The following UNC80 variants were observed in gnomAD, a reference collection of about 807,000 sequenced individuals.
UNC80 encodes the protein unc-80 subunit of NALCN channel complex.
Under a neutral mutation model 384.6 loss-of-function variants are expected in UNC80, and 164 were observed. The observed-to-expected ratio is 0.43, with a 90% confidence interval of 0.38 to 0.49. UNC80 has a LOEUF of 0.49. UNC80 is among the 20% of genes least tolerant of loss of function. UNC80 has a pLI of 0.00. For missense variants in UNC80, 3,330 were observed against 4,143.0 expected (o/e 0.80, Z 5.39); for synonymous variants, 1,486 against 1,527.8 (o/e 0.97, Z 0.64).
At chr2:209,865,737 C>A (rs1307974131) in intron 22 of UNC80, among the ~76,000 whole-genome samples, 1 of 152,158 alleles carries the variant, frequency 6.6e-6, no homozygotes, top group Non-Finnish European at 1.5e-5. Context: ...CCAAATTTAA[C>A]ATATTCTTTG....
chr2:209,972,409 A>T (rs2092908732), intron 55 of UNC80, 85 bp downstream of exon 55: 22 of 1,500,906 alleles, frequency 1.5e-5, no homozygotes, highest in Non-Finnish European at 2.0e-5. Flanking sequence ...TCCTGTTCCC[A>T]TGAAGGCTAT....
At chr2:209,904,288 GAGA>G (rs1372758302) in intron 28 of UNC80, among the ~76,000 whole-genome samples, 1 of 152,202 alleles carries the variant, frequency 6.6e-6, no homozygotes, top group Admixed American at 6.5e-5. Context: ...TTGGCCAGAG[GAGA>G]AGAAGTGGAA....
In UNC80 at chr2:209,821,379, C is replaced by T. The variant is rs142200602; in HGVS notation, c.2331+700C>T. The stretch of plus-strand genomic sequence containing the variant: ...CAAATACCATCGGATTGAGGGATTA[C>T]AGCTTCAATATGTGAATTTTGCTAA... On this transcript the variant is annotated intron_variant, in intron 13 of 64. Transcript: ENST00000673920. Among the ~76,000 whole-genome samples the T allele has an allele frequency of 1.8e-4, 27 of 152,142 alleles. No individual in the cohort carries two copies. The East Asian group carries it at 3.3e-3, about 18-fold the overall frequency.
rs368194769 is a variant in UNC80 at position 209,935,703 on chromosome 2, A to C, written c.6179-11A>C. The C allele has an allele frequency of 4.3e-6, 6 of 1,390,388 alleles. No individual in the cohort carries two copies. Among genetic ancestry groups the C allele is most frequent in the Non-Finnish European group, 5.7e-6 (6 of 1,056,040 alleles). The allele number at this position is 1,390,388 out of a possible 1,614,324, so 86.1% of individuals were successfully genotyped here. ...TAAAAGTCAGTTTGTTATTATTTTT[A>C]TCATCTGTAGGTACTAAAACCTTGG... On this transcript the variant is annotated splice_polypyrimidine_tract_variant and intron_variant, in intron 39 of 64. Coordinates refer to ENST00000673920, the MANE Select transcript of UNC80 (RefSeq NM_001371986.1).
At chr2:209,896,665 G>A (rs139977292) in intron 28 of UNC80, among the ~76,000 whole-genome samples, 2 of 152,260 alleles carry the variant, frequency 1.3e-5, no homozygotes, top group Non-Finnish European at 2.9e-5. Context: ...CCATAAATCA[G>A]GGAAAATCAT....
At chr2:209,922,203 ACT>A (rs2090090032) in intron 34 of UNC80, 47 bp from the exon 35 acceptor site, 1 of 1,545,258 alleles carries the variant, frequency 6.5e-7, no homozygotes, top group South Asian at 1.2e-5. Context: ...GATAATAATA[ACT>A]CTTTTGTTAT....
intron 7 of UNC80, chr2:209,808,747 G>A (rs1170541893): frequency 7.1e-5 from 3 of 42,382 alleles, no homozygotes; most frequent in South Asian, 2.6e-4. Context: ...TCGGCCTAGT[G>A]AGTGGGTCGC....
intron 22 of UNC80, among the ~76,000 whole-genome samples, chr2:209,862,997 C>T (rs571570059): frequency 2.0e-5 from 3 of 152,200 alleles, no homozygotes; most frequent in Admixed American, 2.0e-4. Flanking sequence ...ATATTTAGTG[C>T]TTCTTTCAGG....
At chr2:209,982,421 T>C in intron 60 of UNC80, 104 bp downstream of exon 60, 1 of 1,352,836 alleles carries the variant, frequency 7.4e-7, no homozygotes, top group Non-Finnish European at 9.7e-7. Context: ...AAGCAAGCAA[T>C]GGTAATGTTT....
intron 54 of UNC80, among the ~76,000 whole-genome samples, chr2:209,971,809 G>C (rs1010962502): frequency 6.6e-6 from 1 of 152,228 alleles, no homozygotes; most frequent in African/African-American, 2.4e-5. Flanking sequence ...GGCCTTTCAT[G>C]GCAGGGGCCA....
At chr2:209,834,208 A>T in intron 17 of UNC80, 40 bp downstream of exon 17, 3 of 1,541,308 alleles carry the variant, frequency 1.9e-6, no homozygotes, top group Non-Finnish European at 1.8e-6. Context: ...TGTTTGCCTT[A>T]AGTCAGTAGA....
chr2:209,879,925 A>T (rs2085134834), intron 24 of UNC80, among the ~76,000 whole-genome samples: 1 of 152,224 alleles, frequency 6.6e-6, no homozygotes, highest in African/African-American at 2.4e-5. Flanking sequence ...CTATTTTCAA[A>T]TGAAATCGTG....
intron 28 of UNC80, among the ~76,000 whole-genome samples, chr2:209,897,574 T>TA (rs1198557814): frequency 4.6e-5 from 7 of 151,798 alleles, no homozygotes; most frequent in East Asian, 3.9e-4. Context: ...TTAATTAATT[T>TA]AAAAAAAAAC....
chr2:209,926,712 G>C, intron 35 of UNC80, 131 bp from the exon 36 acceptor site: 1 of 1,126,394 alleles, frequency 8.9e-7, no homozygotes, highest in South Asian at 1.6e-5. Flanking sequence ...AGAAGTCGAG[G>C]CTGCAGTGAG....
At chr2:209,774,249 A>G (rs1357882081) in intron 2 of UNC80, among the ~76,000 whole-genome samples, 2 of 152,336 alleles carry the variant, frequency 1.3e-5, no homozygotes, top group Admixed American at 1.3e-4. Flanking sequence ...ATGTTGTCAC[A>G]AACACATTTT....
chr2:209,892,991 A>G (rs2086486643), intron 26 of UNC80, among the ~76,000 whole-genome samples: 1 of 152,200 alleles, frequency 6.6e-6, no homozygotes, highest in South Asian at 2.1e-4. Flanking sequence ...TTTCTCCATC[A>G]CAACAGTAAA....
Position 209,995,416 on chromosome 2 carries a change from C to T in UNC80, c.9796C>T (p.Leu3266Phe). The change falls in exon 65 of 65, where the codon CTC (leucine) becomes TTC (phenylalanine). Residue 3266 changes from leucine to phenylalanine, a missense_variant. By Grantham distance (22) the Leu-to-Phe change is conservative. Around this residue, in one of 8 missense-constraint regions of UNC80, gnomAD observed 236 missense variants for 254.9 expected, o/e 0.93. Transcript: ENST00000673920. The stretch of plus-strand genomic sequence containing the variant: ...TGCACACAGTCCACTCTCTGCCCAA[C>T]TCTCTGACCCTGATGACTTCACAGG... Reference protein sequence around the residue: ...ATAHSPLSAQLSDPDDFTGLE... With the variant: ...ATAHSPLSAQFSDPDDFTGLE... 1 of 1,551,978 alleles carries T rather than the reference C, an allele frequency of 6.4e-7. No individual in the cohort carries two copies. Among genetic ancestry groups the T allele is most frequent in the Non-Finnish European group, 8.7e-7 (1 of 1,147,058 alleles).
chr2:209,776,242 T>C lies in UNC80; in HGVS notation c.298+197T>C, dbSNP rs1473419789. Among the ~76,000 whole-genome samples, 3 of 152,236 alleles carry C rather than the reference T, an allele frequency of 2.0e-5. No homozygotes were observed. In the East Asian group the frequency reaches 5.8e-4, roughly 29 times the overall value. ...GATAAAGAAACTGGCTGTCTTGTTT[T>C]TAATTTTTTAATTTTACAAGTAATA... On this transcript the variant is annotated intron_variant, in intron 3 of 64. Transcript: ENST00000673920.
At chr2:209,900,090 C>G (rs1278307994) in intron 28 of UNC80, among the ~76,000 whole-genome samples, 1 of 152,222 alleles carries the variant, frequency 6.6e-6, no homozygotes, top group Non-Finnish European at 1.5e-5. Flanking sequence ...TATCCTTTCT[C>G]TCCACATCAT....
Sources: gnomAD v4.1 joint callset for allele counts (sites outside exome capture counted in the v4.1 genomes callset) on GRCh38, gnomAD v4.1.1 for gene constraint, gnomAD v4.1.1 regional missense constraint, MANE v1.5 for transcripts, NCBI Gene and HGNC (gene_info 2026-07-23, HGNC 2026-07-21) for gene names.